MAPKAP1: variants seen among roughly 807,000 people sequenced by gnomAD.
MAPKAP1 encodes the protein target of rapamycin complex 2 subunit MAPKAP1.
In MAPKAP1, 20 loss-of-function variants were observed where a neutral mutation model predicts 65.7. That is an observed-to-expected ratio of 0.30 (90% CI 0.21 to 0.44). The LOEUF (loss-of-function observed/expected upper bound fraction) is 0.44. Among genes scored for constraint, MAPKAP1 ranks in the 20% least tolerant of loss-of-function variants. The probability of loss-of-function intolerance (pLI) is 1.00; values close to 1 mark genes in which losing one functional copy is unlikely to be tolerated. For missense variants in MAPKAP1, 423 were observed against 648.0 expected (o/e 0.65, Z 3.77); for synonymous variants, 222 against 244.3 (o/e 0.91, Z 0.85).
rs560804223 is a variant in MAPKAP1, at chr9:125,614,479, C to G, written c.499-28752G>C. On this transcript the variant is annotated intron_variant, in intron 4 of 11. Transcript: ENST00000265960. ...TCTCCACTAAAAACACAAAACTTAG[C>G]CGGGTGTGGTAGCAGGCGCCTGTAA... Among the ~76,000 whole-genome samples the G allele has an allele frequency of 3.3e-5, 5 of 152,190 alleles. No homozygotes were observed. The South Asian group carries it at 1.0e-3, about 32-fold the overall frequency.
chr9:125,664,441 T>A (rs1407159065), intron 3 of MAPKAP1, among the ~76,000 whole-genome samples: 1 of 151,912 alleles, frequency 6.6e-6, no homozygotes, highest in Non-Finnish European at 1.5e-5. Flanking sequence ...TTTATCATGG[T>A]AGGCTGGGTG....
chr9:125,472,316 C>T (rs1277061006), intron 9 of MAPKAP1, among the ~76,000 whole-genome samples: 12 of 152,182 alleles, frequency 7.9e-5, no homozygotes, highest in East Asian at 1.9e-4. Context: ...CAGCCTCAGC[C>T]GTGTCAGAAG....
chr9:125,665,207 C>G (rs1317428228), intron 3 of MAPKAP1, among the ~76,000 whole-genome samples: 1 of 152,162 alleles, frequency 6.6e-6, no homozygotes, highest in South Asian at 2.1e-4. Context: ...ACTAGGGAGG[C>G]TGAGGCACAA....
intron 4 of MAPKAP1, among the ~76,000 whole-genome samples, chr9:125,649,798 CAAAAAAAAAAAA>C (rs35503728): frequency 1.3e-5 from 1 of 76,222 alleles, no homozygotes; most frequent in East Asian, 3.5e-4. Context: ...AACTCCGTCT[CAAAAAAAAAAAA>C]AAAAAAAGAA....
rs1279904266 is a variant in MAPKAP1, at chr9:125,504,865, G to A, written c.1066+1445C>T. Among the ~76,000 whole-genome samples, 5 of 151,986 alleles carry A rather than the reference G, an allele frequency of 3.3e-5. No homozygotes were observed. In the East Asian group the frequency reaches 9.6e-4, roughly 29 times the overall value. On this transcript the variant is annotated intron_variant, in intron 8 of 11. Coordinates refer to ENST00000265960, the MANE Select transcript of MAPKAP1 (RefSeq NM_001006617.3). The stretch of plus-strand genomic sequence containing the variant: ...GAGTAGCAGCCTGATCTTGTTTAGA[G>A]GGTCAGTGGCATGAGTAAAGATCTA...
chr9:125,568,323 T>G (rs1305082592), intron 5 of MAPKAP1, among the ~76,000 whole-genome samples: 1 of 152,144 alleles, frequency 6.6e-6, no homozygotes, highest in African/African-American at 2.4e-5. Flanking sequence ...GGGTTAGGCA[T>G]GTACTGGATC....
At chr9:125,699,590 T>A (rs1408957221) in intron 1 of MAPKAP1, among the ~76,000 whole-genome samples, 3 of 152,106 alleles carry the variant, frequency 2.0e-5, no homozygotes, top group Non-Finnish European at 4.4e-5. Context: ...AATTGTGGCA[T>A]CATGTCAGTT....
chr9:125,515,183 C>G (rs1829425193), intron 7 of MAPKAP1, among the ~76,000 whole-genome samples: 1 of 152,098 alleles, frequency 6.6e-6, no homozygotes, highest in African/African-American at 2.4e-5. Flanking sequence ...TGTGAAACAG[C>G]TGAATATAAT....
At chr9:125,679,996 G>A (rs1386699251) in intron 1 of MAPKAP1, among the ~76,000 whole-genome samples, 2 of 152,076 alleles carry the variant, frequency 1.3e-5, no homozygotes, top group African/African-American at 4.8e-5. Flanking sequence ...ACTGTTAATG[G>A]TTAGTTAATT....
At chr9:125,449,009 A>G (rs1449111052) in intron 10 of MAPKAP1, among the ~76,000 whole-genome samples, 1 of 151,890 alleles carries the variant, frequency 6.6e-6, no homozygotes, top group East Asian at 1.9e-4. Context: ...TGTCTCAAAA[A>G]AAAAAAAAAA....
intron 8 of MAPKAP1, among the ~76,000 whole-genome samples, chr9:125,500,256 T>G (rs1589239110): frequency 6.6e-6 from 1 of 152,016 alleles, no homozygotes. Context: ...GGCGTGATCT[T>G]GGCTCACTGC....
intron 1 of MAPKAP1, among the ~76,000 whole-genome samples, chr9:125,674,305 C>G (rs913437433): frequency 2.0e-5 from 3 of 152,174 alleles, no homozygotes; most frequent in East Asian, 3.9e-4. Context: ...ATGATCAATT[C>G]TTGCTTAAAG....
chr9:125,550,317 G>A (rs894436338), intron 6 of MAPKAP1, among the ~76,000 whole-genome samples: 3 of 152,206 alleles, frequency 2.0e-5, no homozygotes, highest in Admixed American at 1.3e-4. Context: ...AAGCTGAGGG[G>A]AGAACAGAGG....
chr9:125,608,487 T>A (rs1410759284), intron 4 of MAPKAP1, among the ~76,000 whole-genome samples: 1 of 152,130 alleles, frequency 6.6e-6, no homozygotes, highest in Non-Finnish European at 1.5e-5. Flanking sequence ...AGCCATCACA[T>A]TTGCATTTAG....
chr9:125,693,682 TAC>T (rs1194863390), intron 1 of MAPKAP1, among the ~76,000 whole-genome samples: 1 of 119,782 alleles, frequency 8.3e-6, no homozygotes, highest in Non-Finnish European at 1.6e-5. Flanking sequence ...CACGTATATA[TAC>T]ACGTATATAT....
chr9:125,679,400 T>C (rs1377262127), intron 1 of MAPKAP1, among the ~76,000 whole-genome samples: 5 of 152,168 alleles, frequency 3.3e-5, no homozygotes, highest in South Asian at 2.1e-4. Flanking sequence ...AGAGCAAATG[T>C]GTTATGCAGT....
chr9:125,669,296 C>A (rs960902021), intron 3 of MAPKAP1, among the ~76,000 whole-genome samples: 14 of 151,754 alleles, frequency 9.2e-5, no homozygotes, highest in African/African-American at 3.4e-4. Context: ...GCCTGGCCAA[C>A]ATGGTGAAAT....
chr9:125,597,819 G>T lies in MAPKAP1; in HGVS notation c.499-12092C>A, dbSNP rs117532029. ...AAAGAGCCATTCTCTGAAAAGAATG[G>T]CTACAGTTCTATTCCATCAGTACCT... is the stretch of plus-strand genomic sequence containing the variant. On this transcript the variant is annotated intron_variant, in intron 4 of 11. Coordinates refer to ENST00000265960, the MANE Select transcript of MAPKAP1 (RefSeq NM_001006617.3). Among the ~76,000 whole-genome samples the T allele has an allele frequency of 3.0e-3, 462 of 152,248 alleles. 3 individuals are homozygous for T. Among genetic ancestry groups the T allele is most frequent in the African/African-American group, 4.3e-3 (180 of 41,558 alleles).
chr9:125,527,454 T>TA (rs1320173685), intron 7 of MAPKAP1, among the ~76,000 whole-genome samples: 1 of 152,212 alleles, frequency 6.6e-6, no homozygotes, highest in Admixed American at 6.5e-5. Flanking sequence ...AGTCCCTCCT[T>TA]ATAGGCAATT....
Sources: gnomAD v4.1 joint callset for allele counts (sites outside exome capture counted in the v4.1 genomes callset) on GRCh38, gnomAD v4.1.1 for gene constraint, MANE v1.5 for transcripts, NCBI Gene and HGNC (gene_info 2026-07-23, HGNC 2026-07-21) for gene names.